The following THSD7B variants were observed in gnomAD, a reference collection of about 807,000 sequenced individuals.
THSD7B encodes the protein thrombospondin type-1 domain-containing protein 7B.
In THSD7B, 138 loss-of-function variants were observed where a neutral mutation model predicts 213.6. The observed-to-expected ratio is 0.65, with a 90% CI of 0.56 to 0.74. The LOEUF is 0.74. Among genes scored for constraint, THSD7B ranks in the 30% least tolerant of loss-of-function variants. The probability of loss-of-function intolerance (pLI) is 0.00; values close to 1 mark genes in which losing one functional copy is unlikely to be tolerated. For missense variants in THSD7B, 1,931 were observed against 1,991.5 expected, an observed-to-expected ratio of 0.97 and a Z score of 0.58; for synonymous variants, 742 against 687.0, an observed-to-expected ratio of 1.08 and a Z score of -1.25.
intron 12 of THSD7B, among the ~76,000 whole-genome samples, chr2:137,330,757 G>C (rs1684483328): frequency 2.6e-5 from 4 of 152,096 alleles, no homozygotes; most frequent in Non-Finnish European, 5.9e-5. Context: ...TTATTGCAAA[G>C]AGCGAAAGAA....
chr2:137,615,804 C>A (rs1255792307), intron 17 of THSD7B, among the ~76,000 whole-genome samples: 2 of 150,374 alleles, frequency 1.3e-5, no homozygotes, highest in African/African-American at 4.9e-5. Context: ...GGTCACAGGG[C>A]AGTTTCTTCC....
intron 15 of THSD7B, among the ~76,000 whole-genome samples, chr2:137,487,322 T>C (rs1688475046): frequency 1.6e-5 from 2 of 122,914 alleles, no homozygotes; most frequent in Non-Finnish European, 3.1e-5. Flanking sequence ...GAGCCGAGAT[T>C]GCGCCACTGC....
intron 5 of THSD7B, among the ~76,000 whole-genome samples, chr2:137,117,161 AG>A (rs1688460154): frequency 6.6e-6 from 1 of 152,174 alleles, no homozygotes; most frequent in South Asian, 2.1e-4. Context: ...TTGTTATCAA[AG>A]GTTTTATTTT....
chr2:137,598,894 T>A (rs925869594), intron 17 of THSD7B, among the ~76,000 whole-genome samples: 1 of 151,524 alleles, frequency 6.6e-6, no homozygotes, highest in African/African-American at 2.4e-5. Context: ...TTTTTTATTA[T>A]TATTATACTT....
intron 2 of THSD7B, among the ~76,000 whole-genome samples, chr2:137,048,431 A>G (rs1384951954): frequency 6.6e-6 from 1 of 152,164 alleles, no homozygotes; most frequent in African/African-American, 2.4e-5. Flanking sequence ...TCACTTGTAT[A>G]TGGTATGAAT....
intron 12 of THSD7B, among the ~76,000 whole-genome samples, chr2:137,393,363 A>G (rs1386336771): frequency 1.5e-5 from 2 of 134,328 alleles, no homozygotes; most frequent in African/African-American, 2.8e-5. Context: ...TCCTATGTCC[A>G]TGTGATCTCA....
chr2:136,868,120 G>GCACACACA (rs10671218), intron 1 of THSD7B, among the ~76,000 whole-genome samples: 4 of 149,168 alleles, frequency 2.7e-5, no homozygotes, highest in South Asian at 2.1e-4. Flanking sequence ...ACACGCGCGC[G>GCACACACA]CACACACACA....
In THSD7B at chr2:136,801,230, T is replaced by C. The variant is rs545719530; in HGVS notation, c.-36+35543T>C. On this transcript the variant is annotated intron_variant, in intron 1 of 27. Coordinates refer to ENST00000409968, the MANE Select transcript of THSD7B (RefSeq NM_001316349.2). ...AAATAATTTTAGACTAAAATAAATC[T>C]TGAAATGTTTTTCTGTTAAAATTTC... Among the ~76,000 whole-genome samples, 73 of 152,224 alleles carry C rather than the reference T, an allele frequency of 4.8e-4. 1 individual carries two copies. The highest frequency in any genetic ancestry group is 1.7e-3 in the South Asian group (8 of 4,830).
chr2:137,568,162 TA>T (rs1681279838), intron 16 of THSD7B, among the ~76,000 whole-genome samples: 1 of 152,126 alleles, frequency 6.6e-6, no homozygotes, highest in Non-Finnish European at 1.5e-5. Context: ...GGAATGGTAA[TA>T]AAAGTGTGAT....
chr2:137,269,690 A>G (rs934262506), intron 10 of THSD7B, among the ~76,000 whole-genome samples: 3 of 152,190 alleles, frequency 2.0e-5, no homozygotes, highest in Non-Finnish European at 2.9e-5. Flanking sequence ...ACTTTTTCCT[A>G]AAGGCATAAT....
chr2:137,132,519 G>A (rs1688756940), intron 5 of THSD7B, among the ~76,000 whole-genome samples: 1 of 152,040 alleles, frequency 6.6e-6, no homozygotes. Flanking sequence ...TATTAACTGT[G>A]CCCAGTATTA....
At chr2:136,820,703 G>A (rs1290843914) in intron 1 of THSD7B, among the ~76,000 whole-genome samples, 1 of 152,150 alleles carries the variant, frequency 6.6e-6, no homozygotes, top group Non-Finnish European at 1.5e-5. Flanking sequence ...TTAGATAACA[G>A]TAGCATATCA....
At chr2:137,315,044 G>A (rs1344250987) in intron 12 of THSD7B, among the ~76,000 whole-genome samples, 2 of 152,250 alleles carry the variant, frequency 1.3e-5, no homozygotes, top group Non-Finnish European at 2.9e-5. Flanking sequence ...CCCAGTTCGA[G>A]CTTCCCAGCT....
intron 2 of THSD7B, among the ~76,000 whole-genome samples, chr2:136,908,297 AGTT>A (rs1684201111): frequency 6.6e-6 from 1 of 152,254 alleles, no homozygotes; most frequent in Non-Finnish European, 1.5e-5. Context: ...TTGATTGGCC[AGTT>A]GTTAGATTTC....
At chr2:136,967,061 A>G (rs1685327666) in intron 2 of THSD7B, among the ~76,000 whole-genome samples, 1 of 152,132 alleles carries the variant, frequency 6.6e-6, no homozygotes, top group African/African-American at 2.4e-5. Flanking sequence ...GGGGAAGCGA[A>G]TGCTGTTTCT....
In THSD7B at chr2:137,242,464, G is replaced by T. The variant is rs200310401; in HGVS notation, c.2158G>T (p.Asp720Tyr). The T allele has an allele frequency of 2.0e-4, 316 of 1,613,372 alleles. No individual in the cohort carries two copies. Among genetic ancestry groups the T allele is most frequent in the Non-Finnish European group, 2.6e-4 (301 of 1,179,490 alleles). The part of the protein sequence containing the change: ...VGQVMTKRCP[D>Y]STRPETVRPC... ...GTCTTTTCACATTGACAGATGTCCA[G>T]ATTCTACTCGACCTGAAACTGTGCG... The change falls in exon 10 of 28, where the codon GAT (aspartate) becomes TAT (tyrosine). Residue 720 changes from aspartate (D) to tyrosine (Y), a missense_variant. Asp to Tyr is a radical substitution (Grantham distance 160). Transcript: ENST00000409968.
chr2:137,300,856 A>G (rs868741709), intron 12 of THSD7B, among the ~76,000 whole-genome samples: 1 of 152,114 alleles, frequency 6.6e-6, no homozygotes, highest in Non-Finnish European at 1.5e-5. Context: ...TCGTGTAGTG[A>G]CTGAGGAGAG....
intron 2 of THSD7B, among the ~76,000 whole-genome samples, chr2:136,928,644 T>C (rs1684580239): frequency 6.6e-6 from 1 of 152,206 alleles, no homozygotes; most frequent in South Asian, 2.1e-4. Flanking sequence ...ATTTTACATA[T>C]AAATTTAAAT....
At chr2:137,378,048 T>C (rs1322196093) in intron 12 of THSD7B, among the ~76,000 whole-genome samples, 1 of 152,126 alleles carries the variant, frequency 6.6e-6, no homozygotes, top group Non-Finnish European at 1.5e-5. Context: ...TCATTCCCCA[T>C]TGAATTATTT....
Sources: gnomAD v4.1 joint callset for allele counts (sites outside exome capture counted in the v4.1 genomes callset) on GRCh38, gnomAD v4.1.1 for gene constraint, MANE v1.5 for transcripts, NCBI Gene and HGNC (gene_info 2026-07-23, HGNC 2026-07-21) for gene names.